The following MON2 variants were observed in gnomAD, a reference collection of about 807,000 sequenced individuals.
MON2 encodes the protein protein MON2 homolog.
In MON2, 84 loss-of-function variants were observed where a neutral mutation model predicts 208.6. The ratio of observed to expected loss-of-function variants is 0.40; its 90% CI spans 0.34 to 0.48. MON2 has a LOEUF of 0.48. Ranked by LOEUF, MON2 falls within the 20% of genes least tolerant of loss-of-function variation. The probability of loss-of-function intolerance (pLI) is 0.59; values close to 1 mark genes in which losing one functional copy is unlikely to be tolerated. For missense variants in MON2, 1,611 were observed against 2,015.4 expected (o/e 0.80, Z 3.84); for synonymous variants, 660 against 694.0 (o/e 0.95, Z 0.77).
At chr12:62,556,324 C>T in intron 25 of MON2, 132 bp downstream of exon 25, 1 of 887,166 alleles carries the variant, frequency 1.1e-6, no homozygotes, top group Non-Finnish European at 1.7e-6. Flanking sequence ...TCTGTGTTTT[C>T]ATTCGTTTGT....
intron 30 of MON2, among the ~76,000 whole-genome samples, chr12:62,572,415 T>C (rs80193370): frequency 0.01 from 1,592 of 152,292 alleles, 7 homozygotes; most frequent in Middle Eastern, 0.027. Context: ...GTTTAATCCT[T>C]CTAGCACAAG....
intron 12 of MON2, among the ~76,000 whole-genome samples, chr12:62,534,542 A>AAAAAATATATATATAT (rs1555169522): frequency 3.1e-4 from 7 of 22,838 alleles, no homozygotes; most frequent in Admixed American, 7.4e-4. Flanking sequence ...AAAAAAAAAA[A>AAAAAATATATATATAT]ATATATATAT....
rs868000914 is a variant in MON2 at position 62,466,846 on chromosome 12, C to G, written c.-362C>G. On this transcript the variant is annotated 5_prime_UTR_variant, in exon 1 of 35. Transcript: ENST00000393630. ...TGGGCGACTCGGCTAATGGCGTCGG[C>G]GAGTCTTAGGGGCCTGGGGAGCTGG... The G allele has an allele frequency of 4.9e-6, 2 of 409,900 alleles. No individual in the cohort carries two copies. The highest frequency in any genetic ancestry group is 3.6e-5 in the East Asian group (1 of 28,168). The allele number at this position is 409,900 out of a possible 1,614,324, so 25.4% of individuals were successfully genotyped here.
Position 62,571,421 on chromosome 12 carries a change from T to C in MON2, c.4353T>C (p.Tyr1451=). The change falls in exon 30 of 35, where the codon TAT becomes TAC. Residue 1451 remains tyrosine, a synonymous_variant. Transcript: ENST00000393630. ...KTLRVPLSLK[Y]SCPSESTWKL... Reference sequence around the variant, plus strand: ...TTAGGGTTCCTCTCAGTTTGAAGTATTCCTGCCCTTCTGAAAGCACATGGA... The same window carrying C: ...TTAGGGTTCCTCTCAGTTTGAAGTACTCCTGCCCTTCTGAAAGCACATGGA... 6.2e-7 allele frequency: 1 copy of C among 1,612,080 alleles called. No individual in the cohort carries two copies. Among genetic ancestry groups the C allele is most frequent in the Non-Finnish European group, 8.5e-7 (1 of 1,178,424 alleles).
At chr12:62,483,954 A>AT (rs1265801444) in intron 1 of MON2, among the ~76,000 whole-genome samples, 18 of 152,274 alleles carry the variant, frequency 1.2e-4, no homozygotes, top group Admixed American at 7.2e-4. Context: ...TAGTGCATTC[A>AT]GAGTTTGCAT....
Position 62,501,619 on chromosome 12 carries a change from G to A in MON2, c.710G>A (p.Gly237Asp). ...VNADAPYWLV[G>D]MTEMTRTFGL... ...GCTGATGCTCCTTATTGGCTAGTGGGCATGACAGAAATGACTCGGACGTTT... is the reference window on the plus strand; with the variant it reads ...GCTGATGCTCCTTATTGGCTAGTGGACATGACAGAAATGACTCGGACGTTT... Residue 237 changes from glycine to aspartate, a missense_variant, in exon 7 of 35, where the codon GGC (glycine) becomes GAC (aspartate). Coordinates refer to ENST00000393630, the MANE Select transcript of MON2 (RefSeq NM_015026.3). The A allele has an allele frequency of 1.2e-6, 2 of 1,614,032 alleles. No homozygotes were observed. Among genetic ancestry groups the A allele is most frequent in the East Asian group, 2.2e-5 (1 of 44,882 alleles).
intron 29 of MON2, among the ~76,000 whole-genome samples, chr12:62,568,273 A>C (rs1341816699): frequency 6.6e-6 from 1 of 152,238 alleles, no homozygotes; most frequent in Non-Finnish European, 1.5e-5. Flanking sequence ...AAGCCATCAT[A>C]AGATCAGACT....
chr12:62,524,581 C>A lies in MON2; in HGVS notation c.1051C>A (p.Leu351Ile), dbSNP rs142628881. 51 of 1,613,442 alleles carry A rather than the reference C, an allele frequency of 3.2e-5. No homozygotes were observed. Among genetic ancestry groups the A allele is most frequent in the Non-Finnish European group, 4.2e-5 (50 of 1,179,624 alleles). ...KFLDADKPQW[L>I]RAVAVESIHR... ...TCTGGATGCAGATAAACCACAGTGGCTACGAGCTGTTGCGGTGGAATCAAT... is the reference window on the plus strand; with the variant it reads ...TCTGGATGCAGATAAACCACAGTGGATACGAGCTGTTGCGGTGGAATCAAT... Residue 351 changes from leucine (L) to isoleucine (I), a missense_variant, in exon 9 of 35, where the codon CTA becomes ATA. Physicochemically the swap from Leu to Ile is conservative, Grantham distance 5. Coordinates refer to ENST00000393630, the MANE Select transcript of MON2 (RefSeq NM_015026.3).
At chr12:62,556,834 G>A (rs540889140) in intron 25 of MON2, among the ~76,000 whole-genome samples, 35 of 152,252 alleles carry the variant, frequency 2.3e-4, no homozygotes, top group African/African-American at 7.7e-4. Flanking sequence ...TCAACACTTC[G>A]GAAGGCTGAG....
chr12:62,560,029 G>A (rs535644099), intron 25 of MON2: 1 of 152,710 alleles, frequency 6.5e-6, no homozygotes, highest in African/African-American at 2.4e-5. Context: ...CAACCTCGTT[G>A]ATTTAATTTT....
intron 11 of MON2, among the ~76,000 whole-genome samples, chr12:62,527,901 A>G (rs17098038): frequency 6.6e-6 from 1 of 151,476 alleles, no homozygotes; most frequent in African/African-American, 2.4e-5. Flanking sequence ...GGGTTGTAGA[A>G]CTCCTTTTTA....
chr12:62,599,459 T>G lies in MON2; in HGVS notation c.*6710T>G, dbSNP rs970639091. 1 of 152,238 alleles carries G rather than the reference T, an allele frequency of 6.6e-6. No individual in the cohort carries two copies. The highest frequency in any genetic ancestry group is 1.5e-5 in the Non-Finnish European group (1 of 68,026). 9.4% of individuals were successfully genotyped at this position (152,238 alleles called of 1,614,324 possible). A position where few individuals can be genotyped will look rare whatever the true frequency, so the allele number is the denominator to read the frequency against. On this transcript the variant is annotated 3_prime_UTR_variant, in exon 35 of 35. Coordinates refer to ENST00000393630, the MANE Select transcript of MON2 (RefSeq NM_015026.3). ...AAAGTATAAAACAAGAATTTGTACG[T>G]TACTCAGTGTGTACTGCAGTCAGAT...
chr12:62,507,691 A>C (rs553835885), intron 7 of MON2, among the ~76,000 whole-genome samples: 1 of 151,984 alleles, frequency 6.6e-6, no homozygotes, highest in Admixed American at 6.6e-5. Context: ...TTAATCACCA[A>C]TTACTTACTT....
intron 1 of MON2, 39 bp from the exon 2 acceptor site, chr12:62,484,131 G>A: frequency 7.2e-7 from 1 of 1,380,406 alleles, no homozygotes; most frequent in Non-Finnish European, 1.0e-6. Context: ...ATTCATTTTG[G>A]CAGTAAATTT....
At chr12:62,496,314 A>G (rs1345502614) in intron 4 of MON2, among the ~76,000 whole-genome samples, 2 of 152,150 alleles carry the variant, frequency 1.3e-5, no homozygotes, top group Non-Finnish European at 2.9e-5. Flanking sequence ...CATTTGATCT[A>G]CTAAAGAAAT....
intron 8 of MON2, among the ~76,000 whole-genome samples, chr12:62,520,085 A>C (rs888989087): frequency 6.6e-6 from 1 of 152,226 alleles, no homozygotes; most frequent in Non-Finnish European, 1.5e-5. Context: ...AAAGTGTTGG[A>C]ATTACTGCGT....
At chr12:62,495,274 C>T in intron 4 of MON2, 127 bp downstream of exon 4, 1 of 765,590 alleles carries the variant, frequency 1.3e-6, no homozygotes, top group Non-Finnish European at 2.0e-6. Flanking sequence ...TGATGATTGA[C>T]ATTGCATGTT....
chr12:62,535,781 C>CT, intron 14 of MON2, 72 bp downstream of exon 14: 1 of 1,217,994 alleles, frequency 8.2e-7, no homozygotes, highest in Non-Finnish European at 1.1e-6. Context: ...TTATAAACAT[C>CT]TGAGTTTAAG....
chr12:62,475,557 G>A (rs760032336), intron 1 of MON2, among the ~76,000 whole-genome samples: 1 of 151,476 alleles, frequency 6.6e-6, no homozygotes. Context: ...AGTGAATTTA[G>A]CATTTAGTAA....
Sources: gnomAD v4.1 joint callset for allele counts (sites outside exome capture counted in the v4.1 genomes callset) on GRCh38, gnomAD v4.1.1 for gene constraint, MANE v1.5 for transcripts, NCBI Gene and HGNC (gene_info 2026-07-23, HGNC 2026-07-21) for gene names.